MEGF10: variants seen among roughly 807,000 people sequenced by gnomAD.
MEGF10 encodes the protein multiple epidermal growth factor-like domains protein 10.
MEGF10 carries 86 observed loss-of-function variants against 147.5 expected under a neutral mutation model. The ratio of observed to expected loss-of-function variants is 0.58; its 90% confidence interval spans 0.49 to 0.70. The LOEUF is 0.70. Ranked by LOEUF, MEGF10 falls within the 30% of genes least tolerant of loss-of-function variation. The probability of loss-of-function intolerance (pLI) is 0.00; values close to 1 mark genes in which losing one functional copy is unlikely to be tolerated. For missense variants in MEGF10, 1,329 were observed against 1,487.3 expected (o/e 0.89, Z 1.75); for synonymous variants, 478 against 525.5 (o/e 0.91, Z 1.24).
At chr5:127,259,041 T>G in the MEGF10 span, among the ~76,000 whole-genome samples, 2 of 152,160 alleles carry the variant, frequency 1.3e-5, no homozygotes, top group Non-Finnish European at 2.9e-5. Flanking sequence ...CTTAGCTGTG[T>G]CCAAGAGCCC....
intron 9 of MEGF10, among the ~76,000 whole-genome samples, chr5:127,416,153 G>C (rs905703387): frequency 2.0e-5 from 3 of 151,920 alleles, no homozygotes; most frequent in Non-Finnish European, 4.4e-5. Flanking sequence ...TCAGCCTCCT[G>C]AGTAGCTGGG....
intron 13 of MEGF10, among the ~76,000 whole-genome samples, chr5:127,430,477 G>A (rs545952085): frequency 2.6e-5 from 4 of 152,248 alleles, no homozygotes; most frequent in African/African-American, 4.8e-5. Flanking sequence ...TACCTGGTGC[G>A]ACTTAGAGAA....
At chr5:127,281,025 C>T in the MEGF10 span, among the ~76,000 whole-genome samples, 1 of 152,186 alleles carries the variant, frequency 6.6e-6, no homozygotes, top group South Asian at 2.1e-4. Flanking sequence ...TCAGCAACCT[C>T]CTATTCCCAG....
At chr5:127,365,288 A>G (rs1762614522) in intron 4 of MEGF10, among the ~76,000 whole-genome samples, 1 of 152,260 alleles carries the variant, frequency 6.6e-6, no homozygotes, top group Non-Finnish European at 1.5e-5. Context: ...TAATTGATTT[A>G]TAAAGAAGGC....
intron 24 of MEGF10, 37 bp from the exon 25 acceptor site, chr5:127,457,091 C>T: frequency 6.6e-7 from 1 of 1,520,360 alleles, no homozygotes; most frequent in Non-Finnish European, 8.8e-7. Context: ...AAAACATTTC[C>T]TTTGCTGATA....
intron 1 of MEGF10, among the ~76,000 whole-genome samples, chr5:127,294,625 C>T (rs1017670508): frequency 2.0e-5 from 3 of 151,980 alleles, no homozygotes; most frequent in African/African-American, 7.3e-5. Flanking sequence ...ATGGCGAAAT[C>T]CTGTCTCTAC....
chr5:127,278,432 A>G, the MEGF10 span, among the ~76,000 whole-genome samples: 19 of 152,240 alleles, frequency 1.2e-4, no homozygotes, highest in Admixed American at 3.9e-4. Context: ...AAGTTTAGAA[A>G]TTTAATTCAA....
intron 1 of MEGF10, among the ~76,000 whole-genome samples, chr5:127,309,808 C>G (rs1425637928): frequency 1.3e-5 from 2 of 151,704 alleles, no homozygotes; most frequent in Non-Finnish European, 2.9e-5. Flanking sequence ...GTATATATAC[C>G]CAGAAGGGGA....
the MEGF10 span, among the ~76,000 whole-genome samples, chr5:127,263,761 T>C: frequency 2.6e-5 from 4 of 152,172 alleles, no homozygotes; most frequent in Admixed American, 6.6e-5. Context: ...TAGTTAATTA[T>C]ATTCTGTTCG....
At chr5:127,381,248 A>C (rs551134637) in intron 5 of MEGF10, among the ~76,000 whole-genome samples, 10 of 152,358 alleles carry the variant, frequency 6.6e-5, no homozygotes, top group African/African-American at 2.4e-4. Context: ...TGCAGACTAC[A>C]AATTATTTCT....
the MEGF10 span, among the ~76,000 whole-genome samples, chr5:127,270,105 C>T: frequency 0.05 from 7,642 of 152,218 alleles, 324 homozygotes; most frequent in African/African-American, 0.11. Flanking sequence ...AAAGGAACAA[C>T]CAGTACCAGC....
the MEGF10 span, among the ~76,000 whole-genome samples, chr5:127,265,191 G>A: frequency 6.6e-6 from 1 of 152,088 alleles, no homozygotes; most frequent in African/African-American, 2.4e-5. Context: ...TCTTGAGATA[G>A]TTTGCTGAGA....
At chr5:127,381,557 T>C (rs1763265650) in intron 5 of MEGF10, among the ~76,000 whole-genome samples, 1 of 152,240 alleles carries the variant, frequency 6.6e-6, no homozygotes, top group Admixed American at 6.5e-5. Flanking sequence ...ACTGCCCGAT[T>C]CTAATAGAGC....
chr5:127,328,156 GAGATGT>G (rs1376167194), intron 1 of MEGF10, among the ~76,000 whole-genome samples: 4 of 152,166 alleles, frequency 2.6e-5, no homozygotes, highest in African/African-American at 9.7e-5. Flanking sequence ...GCATATTTGT[GAGATGT>G]CTTCTCTCCT....
At chr5:127,425,027 A>G (rs532681427) in intron 13 of MEGF10, among the ~76,000 whole-genome samples, 3 of 152,230 alleles carry the variant, frequency 2.0e-5, no homozygotes, top group Non-Finnish European at 4.4e-5. Context: ...TCTGTCTTAT[A>G]AAGATAGAAA....
the MEGF10 span, among the ~76,000 whole-genome samples, chr5:127,268,644 T>TA: frequency 6.6e-6 from 1 of 152,226 alleles, no homozygotes; most frequent in African/African-American, 2.4e-5. Context: ...CCTGCCTCTG[T>TA]AGACCCCACC....
At chr5:127,278,468 G>A in the MEGF10 span, among the ~76,000 whole-genome samples, 3 of 152,212 alleles carry the variant, frequency 2.0e-5, no homozygotes, top group South Asian at 2.1e-4. Flanking sequence ...GAGAATAGCT[G>A]TAGGAGGAGA....
intron 1 of MEGF10, among the ~76,000 whole-genome samples, chr5:127,310,064 T>C (rs1453261260): frequency 1.4e-5 from 2 of 141,190 alleles, no homozygotes; most frequent in African/African-American, 5.3e-5. Context: ...CTTTCTTTCT[T>C]TCTCTCTTTC....
rs139004304 is a variant in MEGF10 at position 127,327,457 on chromosome 5, AAAT to A, written c.-18-3829_-18-3827del. ...ACTGCATTGCCTTTGTTTTCAATTG[AAAT>A]AATACTATTTTTAAAAAATTGCATT... On this transcript the variant is annotated intron_variant, in intron 1 of 24. Transcript: ENST00000503335. Among the ~76,000 whole-genome samples, 991 of 152,294 alleles carry A rather than the reference AAAT, an allele frequency of 6.5e-3. 9 individuals are homozygous for A. Among genetic ancestry groups the A allele is most frequent in the Admixed American group, 0.011 (162 of 15,290 alleles).
Sources: gnomAD v4.1 joint callset for allele counts (sites outside exome capture counted in the v4.1 genomes callset) on GRCh38, gnomAD v4.1.1 for gene constraint, MANE v1.5 for transcripts, NCBI Gene and HGNC (gene_info 2026-07-23, HGNC 2026-07-21) for gene names.